Variants in SUGCT observed in about 807,000 individuals in gnomAD.
SUGCT encodes succinyl-CoA:glutarate-CoA transferase.
SUGCT carries 41 observed loss-of-function variants against 55.0 expected under a neutral mutation model. The observed-to-expected ratio is 0.74, with a 90% CI of 0.58 to 0.97. The LOEUF (loss-of-function observed/expected upper bound fraction) is 0.97, where lower values mean the gene tolerates loss of function less well. Among genes scored for constraint, SUGCT ranks in the 50% least tolerant of loss-of-function variants. The pLI, the probability that SUGCT is intolerant of heterozygous loss-of-function variation, is 0.00. For missense variants in SUGCT, 568 were observed against 547.8 expected (o/e 1.04, Z -0.37); for synonymous variants, 187 against 200.4 (o/e 0.93, Z 0.56).
the SUGCT span, among the ~76,000 whole-genome samples, chr7:40,993,697 ATCTT>A: frequency 6.6e-6 from 1 of 152,156 alleles, no homozygotes; most frequent in African/African-American, 2.4e-5. Flanking sequence ...AGGGTTGTGC[ATCTT>A]TGAGATGTAA....
At chr7:40,184,289 A>AT (rs899174616) in intron 3 of SUGCT, among the ~76,000 whole-genome samples, 13 of 150,454 alleles carry the variant, frequency 8.6e-5, no homozygotes, top group African/African-American at 2.4e-4. Flanking sequence ...GTTTTATTTT[A>AT]TTTTTTTTTG....
chr7:40,954,858 C>T, the SUGCT span, among the ~76,000 whole-genome samples: 1 of 152,144 alleles, frequency 6.6e-6, no homozygotes, highest in African/African-American at 2.4e-5. Flanking sequence ...CTACATATGG[C>T]TAGCAAGTTT....
intron 12 of SUGCT, among the ~76,000 whole-genome samples, chr7:40,707,392 T>C (rs773746751): frequency 1.3e-5 from 2 of 152,212 alleles, no homozygotes; most frequent in East Asian, 1.9e-4. Context: ...ACAAGAATGA[T>C]GCTGTGATTA....
intron 12 of SUGCT, among the ~76,000 whole-genome samples, chr7:40,701,057 A>G (rs527283918): frequency 4.5e-4 from 69 of 152,200 alleles, no homozygotes; most frequent in Admixed American, 1.7e-3. Context: ...GGCTCCTTTT[A>G]TCATTCTTTC....
At chr7:40,261,043 A>C (rs1791190145) in intron 7 of SUGCT, among the ~76,000 whole-genome samples, 1 of 152,038 alleles carries the variant, frequency 6.6e-6, no homozygotes, top group Admixed American at 6.6e-5. Flanking sequence ...GCTTTGAAAA[A>C]GTTGTTATAA....
chr7:40,513,290 G>C (rs1306697943), intron 12 of SUGCT, among the ~76,000 whole-genome samples: 1 of 152,088 alleles, frequency 6.6e-6, no homozygotes, highest in Non-Finnish European at 1.5e-5. Flanking sequence ...TCAAGCTATG[G>C]ATGACCAATG....
chr7:40,831,183 C>T (rs1383923775), intron 13 of SUGCT, among the ~76,000 whole-genome samples: 2 of 152,118 alleles, frequency 1.3e-5, no homozygotes, highest in African/African-American at 4.8e-5. Context: ...ATTTTAGATT[C>T]CCGTAAAAAG....
At chr7:40,548,127 T>G (rs1562853457) in intron 12 of SUGCT, among the ~76,000 whole-genome samples, 1 of 151,852 alleles carries the variant, frequency 6.6e-6, no homozygotes, top group Non-Finnish European at 1.5e-5. Flanking sequence ...TTACTTTTTG[T>G]GTGTTTTAAT....
At position 40,449,372 on chromosome 7, in the gene SUGCT, A is replaced by C. The variant is rs1318828995; in HGVS notation, c.888+14A>C. 8.2e-6 allele frequency: 13 copies of C among 1,594,806 alleles called. No individual in the cohort carries two copies. Among genetic ancestry groups the C allele is most frequent in the Non-Finnish European group, 1.1e-5 (13 of 1,164,660 alleles). On this transcript the variant is annotated intron_variant, in intron 10 of 13. Coordinates refer to ENST00000335693, the MANE Select transcript of SUGCT (RefSeq NM_001193313.2). ...ACCGTCTGCAAGGTAATCTATAATT[A>C]TTGGGATTGGTCGATGATTTTGTAC... is the stretch of plus-strand genomic sequence containing the variant.
At chr7:40,348,587 C>G (rs924943214) in intron 9 of SUGCT, among the ~76,000 whole-genome samples, 2 of 152,186 alleles carry the variant, frequency 1.3e-5, no homozygotes, top group Non-Finnish European at 2.9e-5. Flanking sequence ...AACCTCTCCA[C>G]TCCCCCACCT....
the SUGCT span, among the ~76,000 whole-genome samples, chr7:40,941,955 T>C: frequency 1.3e-5 from 2 of 152,066 alleles, no homozygotes; most frequent in Non-Finnish European, 2.9e-5. Context: ...TCTATAAGAG[T>C]CTTTATGTGT....
chr7:40,931,113 TG>T, the SUGCT span, among the ~76,000 whole-genome samples: 1 of 152,206 alleles, frequency 6.6e-6, no homozygotes, highest in African/African-American at 2.4e-5. Context: ...CCTACTTTAT[TG>T]AGAGTTTTTA....
At chr7:40,590,747 G>A (rs1293115553) in intron 12 of SUGCT, among the ~76,000 whole-genome samples, 1 of 152,154 alleles carries the variant, frequency 6.6e-6, no homozygotes, top group Non-Finnish European at 1.5e-5. Context: ...TGGAGCCAAT[G>A]CTCCTTGACA....
At chr7:40,707,007 A>G (rs1008877749) in intron 12 of SUGCT, among the ~76,000 whole-genome samples, 1 of 152,018 alleles carries the variant, frequency 6.6e-6, no homozygotes, top group African/African-American at 2.4e-5. Flanking sequence ...CTCATTGTCC[A>G]CCCTCACTCT....
chr7:40,738,196 TAAAAA>T (rs71714222), intron 12 of SUGCT, among the ~76,000 whole-genome samples: 78 of 111,036 alleles, frequency 7.0e-4, no homozygotes, highest in African/African-American at 2.4e-3. Context: ...GACTCCATCT[TAAAAA>T]AAAAAAAAAA....
intron 12 of SUGCT, among the ~76,000 whole-genome samples, chr7:40,658,497 T>A (rs1158499506): frequency 1.3e-5 from 2 of 152,148 alleles, no homozygotes. Flanking sequence ...CTCCTCATCC[T>A]CATCAAGACC....
At chr7:40,451,511 T>G (rs184609512) in intron 10 of SUGCT, among the ~76,000 whole-genome samples, 4 of 152,308 alleles carry the variant, frequency 2.6e-5, no homozygotes, top group African/African-American at 9.6e-5. Flanking sequence ...TCAGAGGGCC[T>G]TAGGAATGGC....
intron 13 of SUGCT, among the ~76,000 whole-genome samples, chr7:40,811,702 A>G (rs924763169): frequency 1.3e-5 from 2 of 152,052 alleles, no homozygotes; most frequent in Non-Finnish European, 2.9e-5. Flanking sequence ...GTAGAATCAT[A>G]CCGTCCTTAA....
At chr7:40,768,585 A>G (rs1788926512) in intron 13 of SUGCT, among the ~76,000 whole-genome samples, 1 of 152,130 alleles carries the variant, frequency 6.6e-6, no homozygotes, top group African/African-American at 2.4e-5. Flanking sequence ...AATTATGTTC[A>G]ACATGACCAA....
Sources: allele counts gnomAD v4.1 joint callset (sites outside exome capture counted in the v4.1 genomes callset), GRCh38; gene constraint gnomAD v4.1.1; transcripts MANE v1.5; gene names NCBI Gene and HGNC (gene_info 2026-07-23, HGNC 2026-07-21).